TOGARAM2: variants seen among roughly 807,000 people sequenced by gnomAD.
TOGARAM2 encodes TOG array regulator of axonemal microtubules 2.
Under a neutral mutation model 93.3 loss-of-function variants are expected in TOGARAM2, and 85 were observed. The observed-to-expected ratio is 0.91, with a 90% CI of 0.76 to 1.09. TOGARAM2 has a LOEUF of 1.09. TOGARAM2 is among the 50% of genes least tolerant of loss of function. The pLI is 0.00. For missense variants in TOGARAM2, 1,277 were observed against 1,334.5 expected, an observed-to-expected ratio of 0.96 and a Z score of 0.67; for synonymous variants, 593 against 552.8, an observed-to-expected ratio of 1.07 and a Z score of -1.02.
chr2:28,986,979 T>G (rs1158453147), intron 1 of TOGARAM2, among the ~76,000 whole-genome samples: 1 of 152,210 alleles, frequency 6.6e-6, no homozygotes, highest in Admixed American at 6.5e-5. Context: ...GGTGATGGAA[T>G]TTAACCCTGT....
chr2:28,962,144 G>A lies in TOGARAM2; in HGVS notation c.-147+5447G>A, dbSNP rs192481192. On this transcript the variant is annotated intron_variant, in intron 1 of 6. Transcript: ENST00000401723. The stretch of plus-strand genomic sequence containing the variant: ...TAAGTCTCACAGTTGGAGAATTTGC[G>A]GATATTGCTATATACACTATATATA... Among the ~76,000 whole-genome samples, 57 of 151,710 alleles carry A rather than the reference G, an allele frequency of 3.8e-4. No homozygotes were observed. In the East Asian group the frequency reaches 9.9e-3, roughly 26 times the overall value.
chr2:29,026,976 G>C lies in TOGARAM2; in HGVS notation c.1977G>C (p.Leu659=). The C allele has an allele frequency of 6.4e-7, 1 of 1,565,900 alleles. No individual in the cohort carries two copies. The highest frequency in any genetic ancestry group is 8.7e-7 in the Non-Finnish European group (1 of 1,155,230). The change falls in exon 14 of 20, where the codon CTG becomes CTC. Residue 659 remains leucine (L), a synonymous_variant. Transcript: ENST00000379558. ...RDSTDMLVHN[L]VRLAQDSNQD... The stretch of plus-strand genomic sequence containing the variant: ...GCACAGACATGTTGGTGCACAACCT[G>C]GTGAGGCTGGCACAGGACTCCAACC...
chr2:28,992,951 T>C (rs1672806561), intron 1 of TOGARAM2, among the ~76,000 whole-genome samples: 1 of 152,066 alleles, frequency 6.6e-6, no homozygotes, highest in East Asian at 1.9e-4. Flanking sequence ...TCCCAGCTAC[T>C]TGGGAGGCTG....
intron 18 of TOGARAM2, among the ~76,000 whole-genome samples, chr2:29,037,434 C>G (rs993579503): frequency 6.6e-6 from 1 of 152,184 alleles, no homozygotes; most frequent in African/African-American, 2.4e-5. Context: ...TGCTTCAGTA[C>G]GAGGAAGCCA....
intron 1 of TOGARAM2, among the ~76,000 whole-genome samples, chr2:28,965,163 C>G (rs1048728831): frequency 1.3e-5 from 2 of 152,126 alleles, no homozygotes; most frequent in African/African-American, 4.8e-5. Flanking sequence ...TGTTTCTTGA[C>G]TTTTTAATAT....
intron 14 of TOGARAM2, 64 bp from the exon 15 acceptor site, chr2:29,032,870 G>C (rs1203332802): frequency 2.1e-6 from 3 of 1,405,302 alleles, no homozygotes; most frequent in Non-Finnish European, 3.0e-6. Context: ...ATGTAAAGCT[G>C]TAAAGCAAAT....
At chr2:28,982,577 G>C (rs1055696665) in intron 1 of TOGARAM2, among the ~76,000 whole-genome samples, 35 of 152,220 alleles carry the variant, frequency 2.3e-4, no homozygotes, top group African/African-American at 7.5e-4. Context: ...CATGGAGCCT[G>C]AGACTAACAG....
intron 18 of TOGARAM2, among the ~76,000 whole-genome samples, chr2:29,038,436 C>T (rs190406678): frequency 8.2e-4 from 125 of 152,228 alleles, no homozygotes; most frequent in South Asian, 1.0e-3. Flanking sequence ...GCAAAAGGCT[C>T]AGGTGGAGCC....
intron 10 of TOGARAM2, among the ~76,000 whole-genome samples, chr2:29,021,921 G>A (rs377069869): frequency 6.6e-6 from 1 of 152,212 alleles, no homozygotes; most frequent in African/African-American, 2.4e-5. Flanking sequence ...ATTGGCAAGG[G>A]CAGGAAGGGG....
chr2:28,991,033 T>A (rs892728442), intron 1 of TOGARAM2, among the ~76,000 whole-genome samples: 8 of 134,686 alleles, frequency 5.9e-5, no homozygotes, highest in Non-Finnish European at 1.3e-4. Flanking sequence ...TGTGTGTGTG[T>A]GTGTGTGGCT....
intron 1 of TOGARAM2, among the ~76,000 whole-genome samples, chr2:28,983,198 ATTTTTTTTTTTTTTTT>A (rs57949744): frequency 3.5e-5 from 2 of 56,622 alleles, no homozygotes; most frequent in African/African-American, 1.7e-4. Context: ...ATATATATAT[ATTTTTTTTTTTTTTTT>A]TTTTTTTTTT....
intron 14 of TOGARAM2, among the ~76,000 whole-genome samples, chr2:29,029,343 G>C (rs559682418): frequency 1.3e-4 from 20 of 152,074 alleles, no homozygotes; most frequent in Non-Finnish European, 2.5e-4. Context: ...GGCATTTGCA[G>C]TGACCTGGAT....
chr2:29,006,352 GTGAGTGCA>G (rs1411969611), intron 6 of TOGARAM2, among the ~76,000 whole-genome samples: 8 of 133,278 alleles, frequency 6.0e-5, no homozygotes, highest in African/African-American at 2.4e-4. Context: ...GTGTGTATGT[GTGAGTGCA>G]TGTGTGTGCA....
intron 6 of TOGARAM2, among the ~76,000 whole-genome samples, chr2:29,004,793 AGT>A (rs1673535246): frequency 6.7e-6 from 1 of 148,390 alleles, no homozygotes; most frequent in Non-Finnish European, 1.5e-5. Context: ...TATGTGTCTG[AGT>A]GTGTCTGAGT....
chr2:28,994,589 GA>G, intron 1 of TOGARAM2, 135 bp from the exon 2 acceptor site: 1 of 418,306 alleles, frequency 2.4e-6, no homozygotes, highest in Non-Finnish European at 4.4e-6. Flanking sequence ...TCCAATGTCA[GA>G]AAAATGGCAT....
rs370571322 is a variant in TOGARAM2, at chr2:29,004,078, C to T, written c.830+396C>T. Among the ~76,000 whole-genome samples, 13 of 152,310 alleles carry T rather than the reference C, an allele frequency of 8.5e-5. No homozygotes were observed. The East Asian group carries it at 2.3e-3, about 27-fold the overall frequency. On this transcript the variant is annotated intron_variant, in intron 6 of 19. Coordinates refer to ENST00000379558, the MANE Select transcript of TOGARAM2 (RefSeq NM_199280.4). The stretch of plus-strand genomic sequence containing the variant: ...TGGTGTGATCTCAACTCACTGCAAC[C>T]TCCGCCTCCCGGGTTCAAGCGATTC...
At chr2:28,966,009 G>A (rs1480192039) in intron 1 of TOGARAM2, among the ~76,000 whole-genome samples, 1 of 152,082 alleles carries the variant, frequency 6.6e-6, no homozygotes, top group Non-Finnish European at 1.5e-5. Context: ...GTCAGAAACA[G>A]AGGGCTCACT....
Position 29,003,537 on chromosome 2 carries a change from C to T in TOGARAM2, c.685C>T (p.Gln229Ter), listed in dbSNP as rs1167575490. ...QYLHCNDEKM[Q>*]KSLGAIVIPP... ...CCTGCACTGCAATGATGAGAAGATGCAGAAGTCCCTGGGCGCCATCGTGAT... is the reference window on the plus strand; with the variant it reads ...CCTGCACTGCAATGATGAGAAGATGTAGAAGTCCCTGGGCGCCATCGTGAT... Residue 229 changes from glutamine (Q) to a stop codon, truncating the protein, a stop_gained, in exon 6 of 20, where the codon CAG becomes TAG. Coordinates refer to ENST00000379558, the MANE Select transcript of TOGARAM2 (RefSeq NM_199280.4). LOFTEE classifies it high-confidence loss of function. 2 of 1,590,548 alleles carry T rather than the reference C, an allele frequency of 1.3e-6. No individual in the cohort carries two copies. The highest frequency in any genetic ancestry group is 3.5e-5 in the Admixed American group (2 of 56,526).
chr2:29,037,128 G>A (rs1171209181), intron 18 of TOGARAM2, among the ~76,000 whole-genome samples: 1 of 152,118 alleles, frequency 6.6e-6, no homozygotes, highest in African/African-American at 2.4e-5. Context: ...TGGGCAGGGA[G>A]GGAAAGTGGA....
Sources: allele counts gnomAD v4.1 joint callset (sites outside exome capture counted in the v4.1 genomes callset), GRCh38; gene constraint gnomAD v4.1.1; transcripts MANE v1.5; gene names NCBI Gene and HGNC (gene_info 2026-07-23, HGNC 2026-07-21).